Variants in TEKT3 observed in about 807,000 individuals in gnomAD.
TEKT3 encodes the protein tektin 3.
In TEKT3, 49 loss-of-function variants were observed where a neutral mutation model predicts 49.8. The observed-to-expected ratio is 0.98, with a 90% confidence interval of 0.78 to 1.25. TEKT3 has a LOEUF of 1.25. Among genes scored for constraint, TEKT3 ranks in the 50% most tolerant of loss-of-function variants. TEKT3 has a pLI of 0.00. For synonymous variants in TEKT3, 225 were observed against 237.2 expected (o/e 0.95, Z 0.47); for missense variants, 595 against 629.5 (o/e 0.95, Z 0.59).
At chr17:15,305,561 C>T (rs1406826614) in intron 8 of TEKT3, among the ~76,000 whole-genome samples, 1 of 152,064 alleles carries the variant, frequency 6.6e-6, no homozygotes, top group Non-Finnish European at 1.5e-5. Flanking sequence ...GCGAGGCTGC[C>T]GCAGATGGCT....
chr17:15,332,735 C>T (rs965443189), intron 2 of TEKT3, among the ~76,000 whole-genome samples: 3 of 152,130 alleles, frequency 2.0e-5, no homozygotes, highest in Non-Finnish European at 4.4e-5. Flanking sequence ...GAGTGTCGGA[C>T]ACATAGAAAG....
chr17:15,337,510 G>A (rs1397919379), intron 2 of TEKT3, among the ~76,000 whole-genome samples: 1 of 152,130 alleles, frequency 6.6e-6, no homozygotes, highest in South Asian at 2.1e-4. Context: ...AGCTGTCCAG[G>A]AAAAATCTCA....
chr17:15,309,093 G>C (rs1394061941), intron 7 of TEKT3, among the ~76,000 whole-genome samples: 1 of 152,132 alleles, frequency 6.6e-6, no homozygotes, highest in Non-Finnish European at 1.5e-5. Flanking sequence ...AATCAGCCAG[G>C]GTGGGAGTAT....
chr17:15,333,687 T>C (rs1351585078), intron 2 of TEKT3, among the ~76,000 whole-genome samples: 2 of 152,154 alleles, frequency 1.3e-5, no homozygotes, highest in Non-Finnish European at 2.9e-5. Flanking sequence ...AGCAAGAAAC[T>C]TCAAGTGGTG....
chr17:15,331,129 T>G lies in TEKT3; in HGVS notation c.457A>C (p.Ile153Leu). 6.2e-7 allele frequency: 1 copy of G among 1,614,222 alleles called. No homozygotes were observed. Among genetic ancestry groups the G allele is most frequent in the Non-Finnish European group, 8.5e-7 (1 of 1,180,024 alleles). The change falls in exon 3 of 9, where the codon ATA (isoleucine) becomes CTA (leucine). Residue 153 changes from isoleucine to leucine, a missense_variant. Physicochemically the swap from Ile to Leu is conservative, Grantham distance 5. Transcript: ENST00000395930. ...ATGATTTCAGATTTCCAAAACCCTATGTCATTGACACGTTCTCCCAGATTT... is the reference window on the plus strand; with the variant it reads ...ATGATTTCAGATTTCCAAAACCCTAGGTCATTGACACGTTCTCCCAGATTT... ...TQNLGERVNDIGFWKSEIIHE... is the reference protein window; with the variant it reads ...TQNLGERVNDLGFWKSEIIHE...
chr17:15,317,605 G>A (rs1597663151), intron 5 of TEKT3, among the ~76,000 whole-genome samples: 1 of 152,158 alleles, frequency 6.6e-6, no homozygotes, highest in East Asian at 1.9e-4. Flanking sequence ...TAAATGAGCA[G>A]CATGGACGCT....
intron 7 of TEKT3, among the ~76,000 whole-genome samples, chr17:15,309,946 G>A (rs983649093): frequency 6.6e-6 from 1 of 152,136 alleles, no homozygotes; most frequent in Non-Finnish European, 1.5e-5. Context: ...GTCCTTGGGT[G>A]ATGTCTCTGC....
chr17:15,336,585 T>TTA (rs1405692718), intron 2 of TEKT3, among the ~76,000 whole-genome samples: 19 of 152,122 alleles, frequency 1.2e-4, no homozygotes, highest in Non-Finnish European at 4.4e-5. Context: ...TTTCTAACTT[T>TTA]CAAATTTCTT....
chr17:15,316,888 G>A (rs762498120), intron 5 of TEKT3, among the ~76,000 whole-genome samples: 3 of 152,074 alleles, frequency 2.0e-5, no homozygotes, highest in African/African-American at 4.8e-5. Flanking sequence ...ATCTGGCCTC[G>A]GAGTCTGCTT....
chr17:15,312,137 C>G (rs1316522044), intron 7 of TEKT3, 122 bp downstream of exon 7: 2 of 883,064 alleles, frequency 2.3e-6, no homozygotes, highest in Non-Finnish European at 3.5e-6. Context: ...ATTTTTCTTG[C>G]TCTGTGTGGC....
At chr17:15,318,935 A>G in intron 5 of TEKT3, 142 bp downstream of exon 5, 2 of 593,604 alleles carry the variant, frequency 3.4e-6, no homozygotes, top group Non-Finnish European at 2.8e-6. Context: ...GGTATCAAGT[A>G]ATCATCTTAA....
rs1910429745 is a variant in TEKT3, at chr17:15,304,012, AG to A, written c.1396del (p.Leu466CysfsTer9). On this transcript the variant is annotated frameshift_variant, in exon 9 of 9. Coordinates refer to ENST00000395930, the MANE Select transcript of TEKT3 (RefSeq NM_031898.3). LOFTEE classifies it high-confidence loss of function. The surrounding 1 kb of genome is among the most constrained non-coding windows in gnomAD (Gnocchi z 4.7). ...EYDLAVKANS[L>X]YIDQEKCMSM... is the part of the protein sequence containing the mutation. ...CATGCATTTTTCCTGGTCGATGTAC[AG>A]GGAATTGGCTTTGACAGCCAGGTCA... 2.5e-6 allele frequency: 4 copies of A among 1,614,154 alleles called. No individual in the cohort carries two copies. In the South Asian group the frequency reaches 4.4e-5, roughly 18 times the overall value.
At chr17:15,315,591 A>AG (rs200288817) in intron 5 of TEKT3, among the ~76,000 whole-genome samples, 1 of 49,416 alleles carries the variant, frequency 2.0e-5, no homozygotes, top group Admixed American at 1.9e-4. Context: ...ACCAGTGAGA[A>AG]AAAAAAAAAA....
chr17:15,312,252 G>A lies in TEKT3; in HGVS notation c.1101+7C>T. The A allele has an allele frequency of 1.2e-6, 2 of 1,613,902 alleles. No homozygotes were observed. The highest frequency in any genetic ancestry group is 2.2e-5 in the South Asian group (2 of 91,046). On this transcript the variant is annotated splice_region_variant and intron_variant, in intron 7 of 8. Coordinates refer to ENST00000395930, the MANE Select transcript of TEKT3 (RefSeq NM_031898.3). ...CAGCTAAGGGGTACCACTGGCGGTT[G>A]ATTTACCTTTGCTAAGTGCGTCTGA...
intron 4 of TEKT3, among the ~76,000 whole-genome samples, chr17:15,324,191 C>T (rs1463485879): frequency 2.0e-5 from 3 of 152,112 alleles, no homozygotes; most frequent in Admixed American, 6.5e-5. Flanking sequence ...AATGGAATTA[C>T]CATATGTGGT....
intron 1 of TEKT3, chr17:15,340,379 CA>C (rs11351552): frequency 0.52 from 67,674 of 129,310 alleles, 16,182 homozygotes; most frequent in Middle Eastern, 0.66. Flanking sequence ...ACTAAAAATA[CA>C]AAAAAAAAAA....
chr17:15,307,201 A>G (rs1910589107), intron 8 of TEKT3, among the ~76,000 whole-genome samples: 1 of 152,216 alleles, frequency 6.6e-6, no homozygotes, highest in Non-Finnish European at 1.5e-5. Flanking sequence ...TGAGAGGGAG[A>G]TGAGCATGCA....
In TEKT3 at chr17:15,304,979, T is replaced by C. The variant is rs936267455; in HGVS notation, c.1257-827A>G. Among the ~76,000 whole-genome samples the C allele has an allele frequency of 6.6e-6, 1 of 152,212 alleles. No individual in the cohort carries two copies. The highest frequency in any genetic ancestry group is 2.4e-5 in the African/African-American group (1 of 41,450). On this transcript the variant is annotated intron_variant, in intron 8 of 8. Transcript: ENST00000395930. This position sits in a 1 kb window ranked among gnomAD's most constrained non-coding sequence, Gnocchi z 4.7. Reference sequence around the variant, plus strand: ...ACTCAGGGTCTTGTGATTGTCTGCTTGCAACATCTGCTGTCCTTGCCCAGG... The same window carrying C: ...ACTCAGGGTCTTGTGATTGTCTGCTCGCAACATCTGCTGTCCTTGCCCAGG...
chr17:15,325,955 C>A (rs891843612), intron 4 of TEKT3, among the ~76,000 whole-genome samples: 19 of 152,172 alleles, frequency 1.2e-4, no homozygotes, highest in African/African-American at 4.1e-4. Context: ...TCTAACCACT[C>A]CTGTCCGGCA....
Sources: gnomAD v4.1 joint callset for allele counts (sites outside exome capture counted in the v4.1 genomes callset) on GRCh38, gnomAD v4.1.1 for gene constraint, Gnocchi (gnomAD v3.1) non-coding constraint, MANE v1.5 for transcripts, NCBI Gene and HGNC (gene_info 2026-07-23, HGNC 2026-07-21) for gene names.